Variants in KIAA1958 observed in about 807,000 individuals in gnomAD.
KIAA1958 encodes the protein uncharacterized protein KIAA1958.
KIAA1958 carries 14 observed loss-of-function variants against 47.2 expected under a neutral mutation model. The observed-to-expected ratio is 0.30, with a 90% CI of 0.20 to 0.46. KIAA1958 has a LOEUF of 0.46. KIAA1958 is among the 20% of genes least tolerant of loss of function. The pLI is 1.00. For missense variants in KIAA1958, 803 were observed against 909.2 expected, an observed-to-expected ratio of 0.88 and a Z score of 1.50; for synonymous variants, 354 against 353.3, an observed-to-expected ratio of 1.00 and a Z score of -0.02.
intron 1 of KIAA1958, among the ~76,000 whole-genome samples, chr9:112,520,391 A>G (rs983079146): frequency 5.3e-5 from 8 of 152,258 alleles, no homozygotes; most frequent in Admixed American, 1.3e-4. Context: ...AAGCAACAGC[A>G]TATGCTTGAT....
Position 112,661,954 on chromosome 9 carries a change from C to G in KIAA1958, c.*1885C>G, listed in dbSNP as rs1837284370. The G allele has an allele frequency of 6.6e-6, 1 of 152,178 alleles. No individual in the cohort carries two copies. Among genetic ancestry groups the G allele is most frequent in the African/African-American group, 2.4e-5 (1 of 41,442 alleles). 9.4% of individuals were successfully genotyped at this position (152,178 alleles called of 1,614,324 possible). ...TTCTGCACTTAAACTGAAATACAAC[C>G]TATGTGAACTATTGGGCAAAGCCTG... On this transcript the variant is annotated 3_prime_UTR_variant, in exon 4 of 4. Transcript: ENST00000337530.
chr9:112,517,426 G>A (rs1001256170), intron 1 of KIAA1958, among the ~76,000 whole-genome samples: 3 of 152,070 alleles, frequency 2.0e-5, no homozygotes, highest in African/African-American at 4.8e-5. Flanking sequence ...AGTCTATACC[G>A]TGTACCATAT....
chr9:112,633,343 T>C (rs999523567), intron 2 of KIAA1958, among the ~76,000 whole-genome samples: 2 of 150,978 alleles, frequency 1.3e-5, no homozygotes, highest in African/African-American at 5.0e-5. Flanking sequence ...AGAATTACAT[T>C]TACTTAAAGA....
At chr9:112,586,812 C>T (rs1426715130) in intron 2 of KIAA1958, among the ~76,000 whole-genome samples, 1 of 152,156 alleles carries the variant, frequency 6.6e-6, no homozygotes, top group South Asian at 2.1e-4. Context: ...AGGTGTTGAC[C>T]TTTCTAGCTT....
intron 2 of KIAA1958, among the ~76,000 whole-genome samples, chr9:112,613,094 A>G (rs1325784330): frequency 3.9e-5 from 6 of 152,158 alleles, no homozygotes; most frequent in Non-Finnish European, 7.4e-5. Context: ...TATATAATCA[A>G]CTGGTAACAT....
chr9:112,611,451 G>T (rs1836325182), intron 2 of KIAA1958, among the ~76,000 whole-genome samples: 1 of 151,342 alleles, frequency 6.6e-6, no homozygotes, highest in Admixed American at 6.6e-5. Context: ...AAATAAACTG[G>T]AAAATTTCCA....
At chr9:112,537,770 C>T (rs1026452792) in intron 1 of KIAA1958, among the ~76,000 whole-genome samples, 1 of 152,132 alleles carries the variant, frequency 6.6e-6, no homozygotes, top group Non-Finnish European at 1.5e-5. Context: ...GTATCCAGGC[C>T]ACTCTCAAAG....
chr9:112,605,860 A>G (rs983008909), intron 2 of KIAA1958, among the ~76,000 whole-genome samples: 4 of 152,244 alleles, frequency 2.6e-5, no homozygotes, highest in Non-Finnish European at 2.9e-5. Flanking sequence ...TAGAATATCC[A>G]TCCTTAAATG....
At chr9:112,543,241 G>GTTTT (rs1834973571) in intron 1 of KIAA1958, among the ~76,000 whole-genome samples, 1 of 151,920 alleles carries the variant, frequency 6.6e-6, no homozygotes, top group South Asian at 2.1e-4. Context: ...TTGTTTGTTT[G>GTTTT]TTTGTTTGTT....
At chr9:112,610,567 C>G (rs1836310264) in intron 2 of KIAA1958, among the ~76,000 whole-genome samples, 1 of 152,104 alleles carries the variant, frequency 6.6e-6, no homozygotes, top group Non-Finnish European at 1.5e-5. Flanking sequence ...CTTTATACAA[C>G]TCTATGCAAA....
chr9:112,522,685 A>G lies in KIAA1958; in HGVS notation c.-25+35567A>G, dbSNP rs542725332. Among the ~76,000 whole-genome samples, 7 of 152,196 alleles carry G rather than the reference A, an allele frequency of 4.6e-5. No homozygotes were observed. In the South Asian group the frequency reaches 8.3e-4, roughly 18 times the overall value. On this transcript the variant is annotated intron_variant, in intron 1 of 3. Coordinates refer to ENST00000337530, the MANE Select transcript of KIAA1958 (RefSeq NM_133465.4). ...ACCAATTACCTTACTTTCACTTACC[A>G]TATCTACTTATTTATGGCTCCATCC...
rs184764546 is a variant in KIAA1958 at position 112,658,937 on chromosome 9, G to A, written c.1345-326G>A. Among the ~76,000 whole-genome samples the A allele has an allele frequency of 7.2e-3, 1,070 of 148,842 alleles. 12 individuals are homozygous for A. Among genetic ancestry groups the A allele is most frequent in the African/African-American group, 0.025 (1,010 of 40,442 alleles). On this transcript the variant is annotated intron_variant, in intron 3 of 3. Coordinates refer to ENST00000337530, the MANE Select transcript of KIAA1958 (RefSeq NM_133465.4). Reference sequence around the variant, plus strand: ...CGGAAGGCTGAGGCAGGAGAATGGCGTGAACCCGGGAGGCGGAGCTTGCAG... The same window carrying A: ...CGGAAGGCTGAGGCAGGAGAATGGCATGAACCCGGGAGGCGGAGCTTGCAG...
At chr9:112,556,278 T>C (rs941630898) in intron 1 of KIAA1958, among the ~76,000 whole-genome samples, 7 of 152,194 alleles carry the variant, frequency 4.6e-5, no homozygotes, top group Non-Finnish European at 7.3e-5. Flanking sequence ...TCGGTTTCTC[T>C]CTACCACGCC....
Position 112,618,350 on chromosome 9 carries a change from A to G in KIAA1958, c.1172-27300A>G. On this transcript the variant is annotated intron_variant, in intron 2 of 3. Transcript: ENST00000337530. The surrounding 1 kb of genome is among the most constrained non-coding windows in gnomAD (Gnocchi z 7.1). ...GCTCAACCTAGTCTGGCTCAACAAC[A>G]CAAAAGCTTTTGGGCATTGCACAGG... 1 of 1,551,270 alleles carries G rather than the reference A, an allele frequency of 6.4e-7. No homozygotes were observed. Among genetic ancestry groups the G allele is most frequent in the Non-Finnish European group, 8.7e-7 (1 of 1,147,140 alleles).
intron 1 of KIAA1958, among the ~76,000 whole-genome samples, chr9:112,516,509 T>G (rs908837363): frequency 9.2e-5 from 14 of 152,248 alleles, no homozygotes; most frequent in African/African-American, 3.4e-4. Flanking sequence ...GATGCAATAT[T>G]GTTAAGATTG....
chr9:112,659,177 C>T (rs1210543401), intron 3 of KIAA1958, 86 bp from the exon 4 acceptor site: 10 of 1,133,790 alleles, frequency 8.8e-6, no homozygotes, highest in Non-Finnish European at 1.1e-5. Flanking sequence ...ATGTCCTCAA[C>T]ACAGCCCCTG....
At chr9:112,624,178 A>ATC (rs1325249504) in intron 2 of KIAA1958, among the ~76,000 whole-genome samples, 13 of 152,342 alleles carry the variant, frequency 8.5e-5, no homozygotes, top group African/African-American at 3.1e-4. Flanking sequence ...CAAGTACTGA[A>ATC]AGAATTAGCA....
intron 1 of KIAA1958, among the ~76,000 whole-genome samples, chr9:112,517,679 C>T (rs1449822742): frequency 6.6e-6 from 1 of 151,970 alleles, no homozygotes; most frequent in African/African-American, 2.4e-5. Context: ...AAATATTTTG[C>T]AAATTATACA....
In KIAA1958 at chr9:112,618,589, C is replaced by T. The variant is rs904944062; in HGVS notation, c.1172-27061C>T. ...AGTATGCCCAGCGGCGGCCTCCCGC[C>T]ATGCGCTACGAGGATGCCCCTTTCT... On this transcript the variant is annotated intron_variant, in intron 2 of 3. Coordinates refer to ENST00000337530, the MANE Select transcript of KIAA1958 (RefSeq NM_133465.4). The surrounding 1 kb of genome is among the most constrained non-coding windows in gnomAD (Gnocchi z 7.1). The T allele has an allele frequency of 2.6e-6, 4 of 1,550,668 alleles. No individual in the cohort carries two copies. The South Asian group carries it at 3.6e-5, about 14-fold the overall frequency.
Sources: gnomAD v4.1 joint callset for allele counts (sites outside exome capture counted in the v4.1 genomes callset) on GRCh38, gnomAD v4.1.1 for gene constraint, Gnocchi (gnomAD v3.1) non-coding constraint, MANE v1.5 for transcripts, NCBI Gene and HGNC (gene_info 2026-07-23, HGNC 2026-07-21) for gene names.